Variants in NTRK3 observed in about 807,000 individuals in gnomAD.
NTRK3 encodes the protein neurotrophic receptor tyrosine kinase 3.
In NTRK3, 24 loss-of-function variants were observed where a neutral mutation model predicts 91.7. The ratio of observed to expected loss-of-function variants is 0.26; its 90% CI spans 0.19 to 0.37. The LOEUF (loss-of-function observed/expected upper bound fraction) is 0.37, where lower values mean the gene tolerates loss of function less well. Among genes scored for constraint, NTRK3 ranks in the 10% least tolerant of loss-of-function variants. The pLI, the probability that NTRK3 is intolerant of heterozygous loss-of-function variation, is 1.00. For missense variants in NTRK3, 880 were observed against 1,068.9 expected (o/e 0.82, Z 2.46); for synonymous variants, 483 against 404.0 (o/e 1.20, Z -2.34).
At chr15:87,952,042 G>T (rs1035094851) in intron 14 of NTRK3, among the ~76,000 whole-genome samples, 2 of 152,066 alleles carry the variant, frequency 1.3e-5, no homozygotes, top group Non-Finnish European at 2.9e-5. Context: ...TGGGAGAATC[G>T]CTTGAACTTG....
At chr15:87,942,942 A>G (rs2070042260) in intron 14 of NTRK3, among the ~76,000 whole-genome samples, 1 of 152,138 alleles carries the variant, frequency 6.6e-6, no homozygotes, top group Non-Finnish European at 1.5e-5. Flanking sequence ...TGGGATTCAG[A>G]GCATCAGGAC....
chr15:88,218,314 T>G (rs1343965374), intron 3 of NTRK3, among the ~76,000 whole-genome samples: 1 of 152,180 alleles, frequency 6.6e-6, no homozygotes, highest in Non-Finnish European at 1.5e-5. Flanking sequence ...TCCATGCAGC[T>G]ACGGTTGCTG....
chr15:88,256,494 G>A lies in NTRK3; in HGVS notation c.-218-8C>T, dbSNP rs1322237295. The stretch of plus-strand genomic sequence containing the variant: ...CGCTCTCCGACTCCGAGACTTTGCA[G>A]GGTTGCAACAGACGGTGGGGAGGCA... On this transcript the variant is annotated splice_polypyrimidine_tract_variant and splice_region_variant and intron_variant, in intron 1 of 18. Coordinates refer to ENST00000394480, the Ensembl canonical transcript of NTRK3. 5.8e-6 allele frequency: 3 copies of A among 515,618 alleles called. No individual in the cohort carries two copies. Among genetic ancestry groups the A allele is most frequent in the Non-Finnish European group, 1.0e-5 (3 of 299,112 alleles). The allele number at this position is 515,618 out of a possible 1,614,324, so 31.9% of individuals were successfully genotyped here.
intron 14 of NTRK3, among the ~76,000 whole-genome samples, chr15:88,005,008 T>C (rs941856933): frequency 6.6e-6 from 1 of 152,212 alleles, no homozygotes; most frequent in Non-Finnish European, 1.5e-5. Flanking sequence ...AAATGAGGCC[T>C]AGAGAGCTTA....
At chr15:88,115,113 T>C (rs1379969077) in intron 13 of NTRK3, among the ~76,000 whole-genome samples, 2 of 152,214 alleles carry the variant, frequency 1.3e-5, no homozygotes, top group East Asian at 3.9e-4. Context: ...TAATAAATAT[T>C]GTCAAGCCAC....
At chr15:88,231,994 G>T (rs751280634) in intron 3 of NTRK3, among the ~76,000 whole-genome samples, 1 of 152,060 alleles carries the variant, frequency 6.6e-6, no homozygotes, top group South Asian at 2.1e-4. Context: ...GTCACTAACC[G>T]GATAAGGTAC....
intron 6 of NTRK3, among the ~76,000 whole-genome samples, chr15:88,140,455 A>G (rs1419824716): frequency 1.3e-5 from 2 of 152,224 alleles, no homozygotes; most frequent in South Asian, 2.1e-4. Flanking sequence ...TAGGCACCAT[A>G]TAGACTGGCA....
At chr15:87,980,556 T>G (rs1377545033) in intron 14 of NTRK3, among the ~76,000 whole-genome samples, 2 of 152,178 alleles carry the variant, frequency 1.3e-5, no homozygotes, top group Non-Finnish European at 2.9e-5. Context: ...AATGTGTATG[T>G]GTGTGTGAAT....
intron 3 of NTRK3, among the ~76,000 whole-genome samples, chr15:88,203,858 G>A (rs1285430595): frequency 2.0e-5 from 3 of 152,016 alleles, no homozygotes; most frequent in Non-Finnish European, 4.4e-5. Flanking sequence ...TTAAAAAAAA[G>A]CAAAGATAAT....
At chr15:88,121,466 C>A (rs2052700159) in intron 13 of NTRK3, among the ~76,000 whole-genome samples, 1 of 152,232 alleles carries the variant, frequency 6.6e-6, no homozygotes, top group Admixed American at 6.5e-5. Flanking sequence ...AGCCAGATCA[C>A]TGTCATGATC....
chr15:88,052,899 AT>A (rs1385543666), intron 13 of NTRK3, among the ~76,000 whole-genome samples: 2 of 152,174 alleles, frequency 1.3e-5, no homozygotes, highest in Non-Finnish European at 2.9e-5. Context: ...CCAAGGGGTT[AT>A]CTATCAGCTG....
At chr15:88,129,339 T>C (rs528568329) in intron 10 of NTRK3, among the ~76,000 whole-genome samples, 1 of 152,348 alleles carries the variant, frequency 6.6e-6, no homozygotes, top group African/African-American at 2.4e-5. Flanking sequence ...TGGTGTTAAA[T>C]GCTTCATGTA....
exon 19 of NTRK3, chr15:87,876,598 T>C (rs567112685): frequency 2.7e-5 from 6 of 219,734 alleles, no homozygotes; most frequent in Non-Finnish European, 5.4e-5. Flanking sequence ...TTTGTATTAT[T>C]AATATTTTAG....
chr15:87,983,527 C>G (rs2074476352), intron 14 of NTRK3, among the ~76,000 whole-genome samples: 1 of 152,178 alleles, frequency 6.6e-6, no homozygotes, highest in Non-Finnish European at 1.5e-5. Flanking sequence ...TGACAGGTAT[C>G]ACCTACAGTT....
At chr15:88,201,085 G>A (rs539063125) in intron 3 of NTRK3, among the ~76,000 whole-genome samples, 6 of 152,052 alleles carry the variant, frequency 3.9e-5, no homozygotes, top group African/African-American at 7.2e-5. Context: ...ATTAATTTTC[G>A]GTTAACAACA....
chr15:88,155,805 C>CATCTATCT (rs71146401), intron 5 of NTRK3, among the ~76,000 whole-genome samples: 8,565 of 150,640 alleles, frequency 0.057, 274 homozygotes, highest in African/African-American at 0.069. Flanking sequence ...TGTAATCTAT[C>CATCTATCT]ATCTATCTAT....
At chr15:87,946,571 C>T (rs1383350296) in intron 14 of NTRK3, among the ~76,000 whole-genome samples, 25 of 152,100 alleles carry the variant, frequency 1.6e-4, no homozygotes, top group Admixed American at 1.6e-3. Flanking sequence ...CAGAAGCAGT[C>T]CCCTGCCACC....
At chr15:88,101,209 T>C (rs997285702) in intron 13 of NTRK3, among the ~76,000 whole-genome samples, 4 of 152,168 alleles carry the variant, frequency 2.6e-5, no homozygotes, top group African/African-American at 2.4e-5. Context: ...GGGCGAAGGA[T>C]ATGAATAGAC....
At chr15:88,002,877 G>A (rs1169599840) in intron 14 of NTRK3, among the ~76,000 whole-genome samples, 1 of 152,102 alleles carries the variant, frequency 6.6e-6, no homozygotes, top group African/African-American at 2.4e-5. Context: ...CAGAGAAAGA[G>A]GAAGGAAGCC....
Sources: allele counts gnomAD v4.1 joint callset (sites outside exome capture counted in the v4.1 genomes callset), GRCh38; gene constraint gnomAD v4.1.1; transcripts MANE v1.5; gene names NCBI Gene and HGNC (gene_info 2026-07-23, HGNC 2026-07-21).